The following EI24 variants were observed in gnomAD, a reference collection of about 807,000 sequenced individuals.
The protein encoded by EI24 is EI24 autophagy associated transmembrane protein.
A neutral mutation model predicts 48.6 loss-of-function variants in EI24; 21 were observed. That is an observed-to-expected ratio of 0.43 (90% confidence interval 0.31 to 0.62). EI24 has a LOEUF of 0.62. EI24 is among the 20% of genes least tolerant of loss of function. The pLI is 0.10. For missense variants in EI24, 280 were observed against 410.5 expected, an observed-to-expected ratio of 0.68 and a Z score of 2.75; for synonymous variants, 114 against 145.5, an observed-to-expected ratio of 0.78 and a Z score of 1.56.
At chr11:125,579,570 G>A (rs1355094282) in intron 7 of EI24, among the ~76,000 whole-genome samples, 1 of 152,108 alleles carries the variant, frequency 6.6e-6, no homozygotes, top group African/African-American at 2.4e-5. Context: ...GGGAAGCTGA[G>A]GCAGGAGAAT....
rs563933964 is a variant in EI24, at chr11:125,577,863, G to C, written c.317-270G>C. The C allele has an allele frequency of 2.8e-5, 16 of 577,578 alleles. No individual in the cohort carries two copies. In the South Asian group the frequency reaches 3.1e-4, roughly 11 times the overall value. 35.8% of individuals were successfully genotyped at this position (577,578 alleles called of 1,614,324 possible). A position where few individuals can be genotyped will look rare whatever the true frequency, so the allele number is the denominator to read the frequency against. The stretch of plus-strand genomic sequence containing the variant: ...ACCCAGATGGTATCCTGCAGATAGC[G>C]TACTGGTAATCACTGTGGCATCTCG... On this transcript the variant is annotated intron_variant, in intron 5 of 10. Coordinates refer to ENST00000278903, the MANE Select transcript of EI24 (RefSeq NM_004879.5).
At chr11:125,579,378 C>T (rs968359358) in intron 7 of EI24, among the ~76,000 whole-genome samples, 10 of 149,068 alleles carry the variant, frequency 6.7e-5, no homozygotes, top group African/African-American at 2.0e-4. Context: ...AAGAGACAGA[C>T]GGGTCGGCTG....
intron 9 of EI24, among the ~76,000 whole-genome samples, chr11:125,581,557 T>TTC: frequency 7.8e-6 from 1 of 127,906 alleles, no homozygotes; most frequent in Non-Finnish European, 1.7e-5. Context: ...TTTTTTTTTT[T>TTC]TTTTTTTGAG....
At chr11:125,570,734 T>A (rs1938503523) in intron 1 of EI24, among the ~76,000 whole-genome samples, 2 of 152,238 alleles carry the variant, frequency 1.3e-5, no homozygotes, top group African/African-American at 4.8e-5. Flanking sequence ...TGTGCCCTAT[T>A]AGATGCAAGA....
rs1307947168 is a variant in EI24 at position 125,584,334 on chromosome 11, C to T, written c.*651C>T. The T allele has an allele frequency of 5.8e-5, 8 of 138,774 alleles. No homozygotes were observed. In the South Asian group the frequency reaches 1.8e-3, roughly 31 times the overall value. 8.6% of individuals were successfully genotyped at this position (138,774 alleles called of 1,614,324 possible). A position where few individuals can be genotyped will look rare whatever the true frequency, so the allele number is the denominator to read the frequency against. On this transcript the variant is annotated 3_prime_UTR_variant, in exon 11 of 11. Transcript: ENST00000278903. Reference sequence around the variant, plus strand: ...TGGGTTTTGAGGAGTGATTTTCTTTCTTCCCCTTGAAGGGGAAAAAGCTAT... The same window carrying T: ...TGGGTTTTGAGGAGTGATTTTCTTTTTTCCCCTTGAAGGGGAAAAAGCTAT...
At chr11:125,577,675 GTTTAT>G (rs1306473550) in intron 5 of EI24, 105 bp downstream of exon 5, 2 of 962,938 alleles carry the variant, frequency 2.1e-6, no homozygotes, top group Non-Finnish European at 3.1e-6. Flanking sequence ...AGCTTTCACT[GTTTAT>G]TTTCTTTTTT....
chr11:125,580,158 C>T lies in EI24; in HGVS notation c.627C>T (p.Ser209=). 6.2e-7 allele frequency: 1 copy of T among 1,613,774 alleles called. No homozygotes were observed. The highest frequency in any genetic ancestry group is 8.5e-7 in the Non-Finnish European group (1 of 1,179,702). ...AGCTGGTTAGTCTCCTGCATATGTCCCTTCTCTACTCACTGTACTGCTTTG... is the reference window on the plus strand; with the variant it reads ...AGCTGGTTAGTCTCCTGCATATGTCTCTTCTCTACTCACTGTACTGCTTTG... ...VGQLVSLLHM[S]LLYSLYCFEY... The change falls in exon 8 of 11, where the codon TCC becomes TCT. Residue 209 remains serine (S), a synonymous_variant. Coordinates refer to ENST00000278903, the MANE Select transcript of EI24 (RefSeq NM_004879.5).
chr11:125,579,348 C>T (rs1416657807), intron 7 of EI24, among the ~76,000 whole-genome samples: 1 of 151,286 alleles, frequency 6.6e-6, no homozygotes, highest in African/African-American at 2.4e-5. Context: ...ATAGTTATGC[C>T]TAATTTTTTT....
At chr11:125,577,021 T>C (rs529402444) in intron 4 of EI24, among the ~76,000 whole-genome samples, 57 of 152,340 alleles carry the variant, frequency 3.7e-4, no homozygotes, top group African/African-American at 1.2e-3. Context: ...TATCTCTCAA[T>C]TGGAGTGTTG....
Position 125,581,248 on chromosome 11 carries a change from G to T in EI24, c.711G>T (p.Arg237Ser). Residue 237 changes from arginine to serine, a missense_variant, in exon 9 of 11, where the codon AGG becomes AGT. Transcript: ENST00000278903. ...ACCAGCGGTTGTCTAACATAGAAAG[G>T]AATTGGCCTTACTACTTTGGGTTTG... Reference protein sequence around the residue: ...EMHQRLSNIERNWPYYFGFGL... With the variant: ...EMHQRLSNIESNWPYYFGFGL... 6.2e-7 allele frequency: 1 copy of T among 1,612,524 alleles called. No homozygotes were observed. Among genetic ancestry groups the T allele is most frequent in the Admixed American group, 1.7e-5 (1 of 59,960 alleles).
intron 1 of EI24, 164 bp downstream of exon 1, chr11:125,569,737 T>A (rs991854316): frequency 3.2e-6 from 1 of 312,290 alleles, no homozygotes; most frequent in Non-Finnish European, 5.9e-6. Flanking sequence ...GCCGGGCACA[T>A]CCCCGGGCGA....
chr11:125,581,317 T>G lies in EI24; in HGVS notation c.780T>G (p.Ile260Met). ...TCACAGCAATGCAGTCCTCATATAT[T>G]ATCAGGTAATTTGGCTACAGGGATT... ...AFLTAMQSSY[I>M]ISGCLFSILF... Residue 260 changes from isoleucine to methionine, a missense_variant, in exon 9 of 11, where the codon ATT (isoleucine) becomes ATG (methionine). Around this residue, in one of 3 missense-constraint regions of EI24, gnomAD observed 14 missense variants for 51.3 expected, o/e 0.27. Coordinates refer to ENST00000278903, the MANE Select transcript of EI24 (RefSeq NM_004879.5). 6.3e-7 allele frequency: 1 copy of G among 1,598,826 alleles called. No individual in the cohort carries two copies. Among genetic ancestry groups the G allele is most frequent in the South Asian group, 1.1e-5 (1 of 89,944 alleles).
chr11:125,580,235 G>A, intron 8 of EI24, 31 bp downstream of exon 8: 1 of 1,516,360 alleles, frequency 6.6e-7, no homozygotes, highest in South Asian at 1.1e-5. Flanking sequence ...CCAGAAAATG[G>A]AGGCCCAGTT....
chr11:125,582,915 C>A (rs1448171512), intron 10 of EI24, among the ~76,000 whole-genome samples: 1 of 152,202 alleles, frequency 6.6e-6, no homozygotes, highest in Non-Finnish European at 1.5e-5. Context: ...TTTTGAAACT[C>A]TTCTTCCTGC....
chr11:125,580,618 A>G (rs980304965), intron 8 of EI24, among the ~76,000 whole-genome samples: 10 of 152,194 alleles, frequency 6.6e-5, no homozygotes, highest in Admixed American at 5.9e-4. Flanking sequence ...TTGATTTGCT[A>G]TCTTGCTTAG....
intron 1 of EI24, among the ~76,000 whole-genome samples, chr11:125,570,650 T>A (rs1938501371): frequency 6.6e-6 from 1 of 152,206 alleles, no homozygotes; most frequent in Non-Finnish European, 1.5e-5. Context: ...AGTAATGGGC[T>A]TCCTTAAACC....
At chr11:125,573,808 G>C (rs917321441) in intron 2 of EI24, among the ~76,000 whole-genome samples, 1 of 145,222 alleles carries the variant, frequency 6.9e-6, no homozygotes, top group Non-Finnish European at 1.5e-5. Flanking sequence ...CAACCTCCCA[G>C]GTAGCTGGGA....
intron 6 of EI24, among the ~76,000 whole-genome samples, chr11:125,578,692 C>T (rs1456626737): frequency 2.0e-5 from 3 of 151,992 alleles, no homozygotes; most frequent in African/African-American, 7.3e-5. Context: ...TGGTCTCAAA[C>T]TCCTGACCTG....
At position 125,578,971 on chromosome 11, in the gene EI24, A is replaced by G; in HGVS notation, c.464A>G (p.Glu155Gly). ...CAGGATATAGCTGACCTGGCATTTG[A>G]GGTATCAGGGAGGAAGCCTCACCCA... ...WFQDIADLAF[E>G]VSGRKPHPFP... The change falls in exon 7 of 11, where the codon GAG (glutamate) becomes GGG (glycine). Residue 155 changes from glutamate to glycine, a missense_variant. Coordinates refer to ENST00000278903, the MANE Select transcript of EI24 (RefSeq NM_004879.5). 1 of 1,589,836 alleles carries G rather than the reference A, an allele frequency of 6.3e-7. No individual in the cohort carries two copies. Among genetic ancestry groups the G allele is most frequent in the Non-Finnish European group, 8.6e-7 (1 of 1,167,150 alleles).
Sources: gnomAD v4.1 joint callset for allele counts (sites outside exome capture counted in the v4.1 genomes callset) on GRCh38, gnomAD v4.1.1 for gene constraint, gnomAD v4.1.1 regional missense constraint, MANE v1.5 for transcripts, NCBI Gene and HGNC (gene_info 2026-07-23, HGNC 2026-07-21) for gene names.